Variants in TMEM131 observed in about 807,000 individuals in gnomAD.
TMEM131 encodes transmembrane protein 131.
TMEM131 carries 66 observed loss-of-function variants against 211.6 expected under a neutral mutation model. The ratio of observed to expected loss-of-function variants is 0.31; its 90% CI spans 0.26 to 0.38. The LOEUF is 0.38. TMEM131 is among the 10% of genes least tolerant of loss of function. TMEM131 has a pLI of 1.00. For missense variants in TMEM131, 2,036 were observed against 2,299.3 expected, an observed-to-expected ratio of 0.89 and a Z score of 2.34; for synonymous variants, 844 against 841.3, an observed-to-expected ratio of 1.00 and a Z score of -0.06.
chr2:97,995,391 G>T, intron 1 of TMEM131, 85 bp downstream of exon 1: 2 of 1,243,174 alleles, frequency 1.6e-6, no homozygotes, highest in Non-Finnish European at 1.0e-6. Flanking sequence ...CCCGGCCGCG[G>T]CCCTTCCTCC....
At chr2:97,988,275 T>C (rs933552944) in intron 1 of TMEM131, among the ~76,000 whole-genome samples, 6 of 152,184 alleles carry the variant, frequency 3.9e-5, no homozygotes, top group Non-Finnish European at 7.4e-5. Context: ...AATAGAGTTA[T>C]ACCCTTTATC....
intron 4 of TMEM131, among the ~76,000 whole-genome samples, chr2:97,876,670 G>A (rs1456813385): frequency 6.6e-6 from 1 of 152,168 alleles, no homozygotes; most frequent in East Asian, 1.9e-4. Context: ...GCTAAAAACT[G>A]TCAATAAACT....
intron 4 of TMEM131, among the ~76,000 whole-genome samples, chr2:97,884,162 T>C (rs1369662717): frequency 1.3e-5 from 2 of 152,250 alleles, no homozygotes; most frequent in Non-Finnish European, 2.9e-5. Flanking sequence ...AGTTTACCAT[T>C]TAATTTCTTC....
intron 3 of TMEM131, among the ~76,000 whole-genome samples, chr2:97,892,803 TTTAAG>T (rs1675436034): frequency 1.3e-5 from 2 of 152,224 alleles, no homozygotes; most frequent in African/African-American, 4.8e-5. Context: ...TATTGTCTGT[TTTAAG>T]TTAATTGTGG....
chr2:97,782,830 T>C (rs1354994610), intron 31 of TMEM131, among the ~76,000 whole-genome samples: 2 of 151,700 alleles, frequency 1.3e-5, no homozygotes, highest in Non-Finnish European at 2.9e-5. Context: ...GGGACCCGTG[T>C]AATTATAACA....
chr2:97,803,517 C>T (rs17022581), intron 22 of TMEM131, among the ~76,000 whole-genome samples: 3,778 of 152,250 alleles, frequency 0.025, 51 homozygotes, highest in Middle Eastern at 0.065. Context: ...ATAAATGGAG[C>T]TAAGATTCCT....
chr2:97,964,038 C>T (rs1678934643), intron 1 of TMEM131, among the ~76,000 whole-genome samples: 1 of 152,188 alleles, frequency 6.6e-6, no homozygotes, highest in Non-Finnish European at 1.5e-5. Flanking sequence ...TATTCTAATA[C>T]TCCAACCGAC....
At chr2:97,887,368 C>T (rs1199179654) in intron 4 of TMEM131, among the ~76,000 whole-genome samples, 1 of 152,184 alleles carries the variant, frequency 6.6e-6, no homozygotes, top group Non-Finnish European at 1.5e-5. Flanking sequence ...CCGGTGGTTG[C>T]CCACAGGGCT....
chr2:97,889,235 C>T (rs1047189811), intron 3 of TMEM131, among the ~76,000 whole-genome samples: 1 of 152,060 alleles, frequency 6.6e-6, no homozygotes, highest in Non-Finnish European at 1.5e-5. Flanking sequence ...ATATGTTGAA[C>T]AGAAAAGATG....
In TMEM131 at chr2:97,909,871, G is replaced by A. The variant is rs185885365; in HGVS notation, c.250-1173C>T. On this transcript the variant is annotated intron_variant, in intron 2 of 40. Transcript: ENST00000186436. ...ACCGTTGAGTCTGGGTGGTAAATGA[G>A]TTGGTATTGGTTGAGCTCTTCTATT... Among the ~76,000 whole-genome samples, 104 of 152,192 alleles carry A rather than the reference G, an allele frequency of 6.8e-4. 1 individual carries two copies. The highest frequency in any genetic ancestry group is 2.4e-3 in the African/African-American group (100 of 41,512).
intron 1 of TMEM131, among the ~76,000 whole-genome samples, chr2:97,933,046 C>T (rs1230253487): frequency 6.6e-6 from 1 of 152,190 alleles, no homozygotes; most frequent in Non-Finnish European, 1.5e-5. Context: ...GTTGTACAGG[C>T]TTGCAGTCTA....
chr2:97,810,777 C>G (rs1420048770), intron 18 of TMEM131, among the ~76,000 whole-genome samples: 3 of 152,124 alleles, frequency 2.0e-5, no homozygotes, highest in Admixed American at 1.3e-4. Flanking sequence ...ACCCTGACTG[C>G]TATTTATGAT....
Position 97,758,905 on chromosome 2 carries a change from G to A in TMEM131, c.5355C>T (p.Thr1785=). The change falls in exon 40 of 41, where the codon ACC becomes ACT. Residue 1785 remains threonine (T), a synonymous_variant. Transcript: ENST00000186436. ...PSWPASSGSP[T]HTATSVLGNT... is the part of the protein sequence containing the mutation. ...CCCAAGTACTCACTGTGGCTGTGTG[G>A]GTCGGGGAGCCGGAACTGGCTGGCC... 1 of 1,611,540 alleles carries A rather than the reference G, an allele frequency of 6.2e-7. No individual in the cohort carries two copies. The highest frequency in any genetic ancestry group is 2.2e-5 in the East Asian group (1 of 44,828).
At chr2:97,885,585 A>AC (rs1675121690) in intron 4 of TMEM131, among the ~76,000 whole-genome samples, 1 of 151,876 alleles carries the variant, frequency 6.6e-6, no homozygotes. Context: ...CACTTTGAGT[A>AC]TTTTTAATAT....
chr2:97,836,171 C>G (rs1218732322), intron 8 of TMEM131, among the ~76,000 whole-genome samples: 4 of 152,142 alleles, frequency 2.6e-5, no homozygotes, highest in African/African-American at 9.7e-5. Context: ...GGTTGTGTTT[C>G]TATATTCTGG....
chr2:97,830,969 CTA>C (rs1682653731), intron 11 of TMEM131, among the ~76,000 whole-genome samples: 1 of 152,214 alleles, frequency 6.6e-6, no homozygotes, highest in East Asian at 1.9e-4. Context: ...TTCTAAATAT[CTA>C]TAGTCTCTAA....
At position 97,792,717 on chromosome 2, in the gene TMEM131, A is replaced by G. The variant is rs1680562096; in HGVS notation, c.3813T>C (p.Thr1271=). The stretch of plus-strand genomic sequence containing the variant: ...ACTTTCTGCCCGCTGTATGACCTTG[A>G]GTCACTGTGTTCGAATCTAAGACAA... ...SPLVLDSNTV[T]QGHTAGRKSK... is the part of the protein sequence containing the mutation. Residue 1271 remains threonine (T), a synonymous_variant, in exon 31 of 41, where the codon ACT becomes ACC. Transcript: ENST00000186436. 6.2e-7 allele frequency: 1 copy of G among 1,613,804 alleles called. No homozygotes were observed. The highest frequency in any genetic ancestry group is 8.5e-7 in the Non-Finnish European group (1 of 1,179,890).
intron 2 of TMEM131, among the ~76,000 whole-genome samples, chr2:97,924,576 C>T (rs1676900058): frequency 6.6e-6 from 1 of 152,246 alleles, no homozygotes; most frequent in South Asian, 2.1e-4. Flanking sequence ...ATCCCACCAC[C>T]TGTACAATGG....
intron 25 of TMEM131, among the ~76,000 whole-genome samples, chr2:97,800,043 T>G (rs577085736): frequency 1.3e-5 from 2 of 152,302 alleles, no homozygotes; most frequent in South Asian, 2.1e-4. Flanking sequence ...TGGAATAGGT[T>G]TATTATTATT....
Sources: gnomAD v4.1 joint callset for allele counts (sites outside exome capture counted in the v4.1 genomes callset) on GRCh38, gnomAD v4.1.1 for gene constraint, MANE v1.5 for transcripts, NCBI Gene and HGNC (gene_info 2026-07-23, HGNC 2026-07-21) for gene names.